The following PPFIA2 variants were observed in gnomAD, a reference collection of about 807,000 sequenced individuals.
The protein encoded by PPFIA2 is PPFI scaffold protein A2.
Under a neutral mutation model 175.5 loss-of-function variants are expected in PPFIA2, and 46 were observed. The ratio of observed to expected loss-of-function variants is 0.26; its 90% CI spans 0.21 to 0.34. The LOEUF (loss-of-function observed/expected upper bound fraction) is 0.34. Ranked by LOEUF, PPFIA2 falls within the 10% of genes least tolerant of loss-of-function variation. PPFIA2 has a pLI of 1.00. For missense variants in PPFIA2, 1,179 were observed against 1,506.1 expected, an observed-to-expected ratio of 0.78 and a Z score of 3.60; for synonymous variants, 568 against 511.4, an observed-to-expected ratio of 1.11 and a Z score of -1.49.
intron 5 of PPFIA2, among the ~76,000 whole-genome samples, chr12:81,455,926 T>A (rs898789902): frequency 6.6e-6 from 1 of 152,082 alleles, no homozygotes; most frequent in Non-Finnish European, 1.5e-5. Flanking sequence ...TTATAACATC[T>A]CCAGAGGGGT....
intron 16 of PPFIA2, among the ~76,000 whole-genome samples, chr12:81,356,054 C>T (rs2060805100): frequency 2.0e-5 from 3 of 152,306 alleles, no homozygotes; most frequent in East Asian, 1.9e-4. Flanking sequence ...TTCTCACTAA[C>T]TTTAATTGTT....
chr12:81,402,954 T>C (rs1330810373), intron 8 of PPFIA2, among the ~76,000 whole-genome samples: 3 of 152,198 alleles, frequency 2.0e-5, no homozygotes, highest in African/African-American at 7.2e-5. Context: ...AATTGAAACA[T>C]GTTTACATAT....
At chr12:81,464,194 A>G (rs1189516817) in intron 4 of PPFIA2, among the ~76,000 whole-genome samples, 1 of 152,112 alleles carries the variant, frequency 6.6e-6, no homozygotes, top group Non-Finnish European at 1.5e-5. Flanking sequence ...AAACACTGGG[A>G]TTACAGGTGT....
chr12:81,671,287 T>C (rs2071363703), intron 4 of PPFIA2, among the ~76,000 whole-genome samples: 1 of 151,976 alleles, frequency 6.6e-6, no homozygotes, highest in Non-Finnish European at 1.5e-5. Context: ...TTCTTGTATG[T>C]TCACCATGTT....
At chr12:81,469,225 G>A (rs966167567) in intron 4 of PPFIA2, among the ~76,000 whole-genome samples, 3 of 152,148 alleles carry the variant, frequency 2.0e-5, no homozygotes, top group Non-Finnish European at 2.9e-5. Context: ...ACTTGACAAT[G>A]CATTTCTCTC....
intron 4 of PPFIA2, among the ~76,000 whole-genome samples, chr12:81,577,732 G>T (rs1202800485): frequency 5.3e-5 from 8 of 151,848 alleles, no homozygotes; most frequent in Non-Finnish European, 8.8e-5. Flanking sequence ...CGTGTTAGCA[G>T]TAATGAAATA....
At chr12:81,611,047 G>C (rs2060849137) in intron 4 of PPFIA2, among the ~76,000 whole-genome samples, 1 of 152,090 alleles carries the variant, frequency 6.6e-6, no homozygotes, top group Non-Finnish European at 1.5e-5. Context: ...TAAGAGTAAT[G>C]GCTGGCAGCT....
chr12:81,515,993 G>T (rs2062384802), intron 4 of PPFIA2, among the ~76,000 whole-genome samples: 1 of 151,602 alleles, frequency 6.6e-6, no homozygotes, highest in South Asian at 2.1e-4. Flanking sequence ...GTATCTCATG[G>T]TTTAAATGGT....
chr12:81,556,754 C>T (rs982795264), intron 4 of PPFIA2, among the ~76,000 whole-genome samples: 2 of 151,354 alleles, frequency 1.3e-5, no homozygotes, highest in African/African-American at 4.9e-5. Flanking sequence ...AGAGAAATTC[C>T]ACATATGGCC....
chr12:81,600,535 C>A (rs1284161544), intron 4 of PPFIA2, among the ~76,000 whole-genome samples: 1 of 151,716 alleles, frequency 6.6e-6, no homozygotes, highest in Non-Finnish European at 1.5e-5. Flanking sequence ...GTTTTATTTT[C>A]CAGTAATTTT....
chr12:81,737,571 GAAT>G (rs1184717436), intron 3 of PPFIA2, among the ~76,000 whole-genome samples: 1 of 151,864 alleles, frequency 6.6e-6, no homozygotes, highest in African/African-American at 2.4e-5. Flanking sequence ...TGACAAAAAT[GAAT>G]AATAATTCAC....
chr12:81,721,715 C>CT (rs796167229), intron 3 of PPFIA2, among the ~76,000 whole-genome samples: 13 of 151,228 alleles, frequency 8.6e-5, no homozygotes, highest in East Asian at 3.9e-4. Flanking sequence ...GCAACTCAAC[C>CT]TTTTTTGTCA....
rs559083446 is a variant in PPFIA2, at chr12:81,564,506, G to A, written c.304-106640C>T. Among the ~76,000 whole-genome samples the A allele has an allele frequency of 6.6e-5, 10 of 152,248 alleles. No individual in the cohort carries two copies. The South Asian group carries it at 1.7e-3, about 25-fold the overall frequency. ...GATGGAGTTCTTTTGTTGGTTTTGA[G>A]GTTTCCGGAGTTGGCTGCTTAATAT... On this transcript the variant is annotated intron_variant, in intron 4 of 32. Coordinates refer to ENST00000549396, the MANE Select transcript of PPFIA2 (RefSeq NM_003625.5).
intron 4 of PPFIA2, among the ~76,000 whole-genome samples, chr12:81,488,094 A>G (rs2059025258): frequency 6.6e-6 from 1 of 151,916 alleles, no homozygotes; most frequent in South Asian, 2.1e-4. Context: ...ACATTACTAT[A>G]CATAACAGTT....
At chr12:81,681,459 T>G (rs1467271003) in intron 3 of PPFIA2, among the ~76,000 whole-genome samples, 1 of 151,606 alleles carries the variant, frequency 6.6e-6, no homozygotes, top group African/African-American at 2.4e-5. Flanking sequence ...CCAGGAAGAG[T>G]GAGGTGATCA....
chr12:81,662,104 T>C lies in PPFIA2; in HGVS notation c.303+14687A>G, dbSNP rs554373388. Reference sequence around the variant, plus strand: ...TGCCCACAAGAGAAAGCAGGAAAGATCTAAAATTGACACCCTAACATCACA... The same window carrying C: ...TGCCCACAAGAGAAAGCAGGAAAGACCTAAAATTGACACCCTAACATCACA... On this transcript the variant is annotated intron_variant, in intron 4 of 32. Coordinates refer to ENST00000549396, the MANE Select transcript of PPFIA2 (RefSeq NM_003625.5). Among the ~76,000 whole-genome samples the C allele has an allele frequency of 1.0e-2, 1,517 of 151,812 alleles. 8 individuals are homozygous for C. The highest frequency in any genetic ancestry group is 0.014 in the Non-Finnish European group (970 of 67,926).
intron 28 of PPFIA2, among the ~76,000 whole-genome samples, chr12:81,276,472 A>G (rs1170358266): frequency 6.6e-6 from 1 of 152,118 alleles, no homozygotes; most frequent in Non-Finnish European, 1.5e-5. Context: ...TTTTCCTTCA[A>G]CAACAACAAT....
chr12:81,470,091 T>C (rs922991478), intron 4 of PPFIA2, among the ~76,000 whole-genome samples: 2 of 152,212 alleles, frequency 1.3e-5, no homozygotes, highest in African/African-American at 2.4e-5. Flanking sequence ...AGTTAATTAA[T>C]ATACCATAAA....
At chr12:81,547,088 G>A (rs888785691) in intron 4 of PPFIA2, among the ~76,000 whole-genome samples, 2 of 152,072 alleles carry the variant, frequency 1.3e-5, no homozygotes, top group Non-Finnish European at 2.9e-5. Context: ...GGTGTTGGCA[G>A]GAAAATTATT....
Sources: gnomAD v4.1 joint callset for allele counts (sites outside exome capture counted in the v4.1 genomes callset) on GRCh38, gnomAD v4.1.1 for gene constraint, MANE v1.5 for transcripts, NCBI Gene and HGNC (gene_info 2026-07-23, HGNC 2026-07-21) for gene names.